The following ANKS1B variants were observed in gnomAD, a reference collection of about 807,000 sequenced individuals.
ANKS1B encodes ankyrin repeat and sterile alpha motif domain-containing protein 1B.
Under a neutral mutation model 148.3 loss-of-function variants are expected in ANKS1B, and 36 were observed. The ratio of observed to expected loss-of-function variants is 0.24; its 90% CI spans 0.19 to 0.32. ANKS1B has a LOEUF of 0.32. Ranked by LOEUF, ANKS1B falls within the 10% of genes least tolerant of loss-of-function variation. The pLI is 1.00. For synonymous variants in ANKS1B, 542 were observed against 560.8 expected (o/e 0.97, Z 0.47); for missense variants, 1,157 against 1,542.6 (o/e 0.75, Z 4.19).
At chr12:99,301,519 G>A (rs1162679500) in intron 12 of ANKS1B, among the ~76,000 whole-genome samples, 2 of 151,888 alleles carry the variant, frequency 1.3e-5, no homozygotes, top group Admixed American at 6.6e-5. Context: ...TGGAGTAAAG[G>A]GAAAAATCTG....
intron 16 of ANKS1B, among the ~76,000 whole-genome samples, chr12:99,054,473 T>A (rs1415732395): frequency 6.6e-6 from 1 of 152,174 alleles, no homozygotes; most frequent in African/African-American, 2.4e-5. Context: ...TTAAAGTTAC[T>A]TTTTCTCTTT....
chr12:99,452,260 G>A (rs1032963818), intron 10 of ANKS1B, among the ~76,000 whole-genome samples: 1 of 152,072 alleles, frequency 6.6e-6, no homozygotes, highest in Non-Finnish European at 1.5e-5. Context: ...GTTTGTTGGT[G>A]ATAACTTGTA....
At chr12:99,395,912 G>T (rs2094227246) in intron 12 of ANKS1B, among the ~76,000 whole-genome samples, 1 of 152,088 alleles carries the variant, frequency 6.6e-6, no homozygotes, top group African/African-American at 2.4e-5. Context: ...AAAATGAAAT[G>T]TAGATTAATC....
chr12:98,751,222 G>T lies in ANKS1B; in HGVS notation c.3747+133C>A. On this transcript the variant is annotated intron_variant, in intron 26 of 26. Transcript: ENST00000683438. This position sits in a 1 kb window ranked among gnomAD's most constrained non-coding sequence, Gnocchi z 4.3. ...CAGAGGTGATGATGGACACATGCCA[G>T]GAGGAGGCCAAGGGAAAGGATGAAG... 2.2e-6 allele frequency: 2 copies of T among 902,288 alleles called. No homozygotes were observed. Among genetic ancestry groups the T allele is most frequent in the Non-Finnish European group, 3.3e-6 (2 of 600,160 alleles). 55.9% of individuals were successfully genotyped at this position (902,288 alleles called of 1,614,324 possible). A position where few individuals can be genotyped will look rare whatever the true frequency, so the allele number is the denominator to read the frequency against.
intron 12 of ANKS1B, among the ~76,000 whole-genome samples, chr12:99,333,621 C>G (rs2088026188): frequency 6.6e-6 from 1 of 151,978 alleles, no homozygotes; most frequent in African/African-American, 2.4e-5. Context: ...GTCACCCAAA[C>G]CCAAAATAAA....
At chr12:99,331,111 C>G (rs2152274863) in intron 12 of ANKS1B, among the ~76,000 whole-genome samples, 1 of 152,036 alleles carries the variant, frequency 6.6e-6, no homozygotes, top group East Asian at 1.9e-4. Flanking sequence ...TTTTTATAAA[C>G]TTTATGATTA....
chr12:99,107,635 C>T (rs1301498734), intron 15 of ANKS1B, among the ~76,000 whole-genome samples: 1 of 152,190 alleles, frequency 6.6e-6, no homozygotes, highest in Non-Finnish European at 1.5e-5. Context: ...AAAGATTAGC[C>T]TTGCATCAAG....
At chr12:99,432,031 A>C (rs1270677590) in intron 11 of ANKS1B, among the ~76,000 whole-genome samples, 1 of 152,144 alleles carries the variant, frequency 6.6e-6, no homozygotes, top group Non-Finnish European at 1.5e-5. Context: ...AATTCCCATA[A>C]GAGGTATTTG....
At chr12:99,724,406 G>C (rs1451860456) in intron 8 of ANKS1B, among the ~76,000 whole-genome samples, 1 of 152,176 alleles carries the variant, frequency 6.6e-6, no homozygotes, top group African/African-American at 2.4e-5. Context: ...AAGTATATCT[G>C]AGTTTGAAGA....
intron 17 of ANKS1B, among the ~76,000 whole-genome samples, chr12:98,919,769 C>T (rs1401071911): frequency 6.6e-6 from 1 of 152,142 alleles, no homozygotes; most frequent in African/African-American, 2.4e-5. Context: ...AGTGTTATGA[C>T]TGAATGGAAG....
At chr12:99,671,229 T>C (rs1006815467) in intron 8 of ANKS1B, among the ~76,000 whole-genome samples, 3 of 152,188 alleles carry the variant, frequency 2.0e-5, no homozygotes, top group African/African-American at 7.2e-5. Context: ...CATGTGTATA[T>C]ACGTTTTGAT....
chr12:99,465,238 A>C (rs1203421625), intron 10 of ANKS1B, among the ~76,000 whole-genome samples: 2 of 152,184 alleles, frequency 1.3e-5, no homozygotes, highest in Non-Finnish European at 2.9e-5. Flanking sequence ...AGACAAGCAA[A>C]TGCTGAGAGA....
At chr12:99,509,048 T>C (rs2096738534) in intron 9 of ANKS1B, among the ~76,000 whole-genome samples, 1 of 151,942 alleles carries the variant, frequency 6.6e-6, no homozygotes, top group African/African-American at 2.4e-5. Flanking sequence ...TGAGCTTTGA[T>C]GTTACTGTTG....
At chr12:98,736,028 T>C (rs1324617009) in intron 9 of ANKS1B, among the ~76,000 whole-genome samples, 1 of 152,122 alleles carries the variant, frequency 6.6e-6, no homozygotes, top group African/African-American at 2.4e-5. Flanking sequence ...AGACGGCCCA[T>C]GTGGCTGGAG....
chr12:99,522,945 G>A (rs2096889696), intron 9 of ANKS1B, among the ~76,000 whole-genome samples: 1 of 152,150 alleles, frequency 6.6e-6, no homozygotes, highest in African/African-American at 2.4e-5. Context: ...GGGAGACTTG[G>A]CCTTCTGACT....
chr12:99,841,855 T>C (rs935322496), intron 1 of ANKS1B, among the ~76,000 whole-genome samples: 2 of 152,110 alleles, frequency 1.3e-5, no homozygotes, highest in Admixed American at 6.6e-5. Flanking sequence ...CAGTGTTCTG[T>C]ATTATTTTTC....
intron 17 of ANKS1B, among the ~76,000 whole-genome samples, chr12:98,877,358 T>C (rs1457686876): frequency 6.6e-6 from 1 of 152,198 alleles, no homozygotes; most frequent in Non-Finnish European, 1.5e-5. Flanking sequence ...ACTCTTCCAT[T>C]ACCACAAATA....
At chr12:99,429,788 C>A (rs562602978) in intron 11 of ANKS1B, among the ~76,000 whole-genome samples, 1 of 151,722 alleles carries the variant, frequency 6.6e-6, no homozygotes, top group East Asian at 1.9e-4. Context: ...ACGGTGAAAC[C>A]CTGTCTCTAC....
At chr12:98,968,802 C>T (rs1026584230) in intron 17 of ANKS1B, among the ~76,000 whole-genome samples, 1 of 152,044 alleles carries the variant, frequency 6.6e-6, no homozygotes, top group African/African-American at 2.4e-5. Context: ...GGGAGGGTAA[C>T]CGCTTTCCAG....
Sources: allele counts gnomAD v4.1 joint callset (sites outside exome capture counted in the v4.1 genomes callset), GRCh38; gene constraint gnomAD v4.1.1; non-coding constraint Gnocchi (gnomAD v3.1); transcripts MANE v1.5; gene names NCBI Gene and HGNC (gene_info 2026-07-23, HGNC 2026-07-21).